Variants in ATP8B4 observed in about 807,000 individuals in gnomAD.
The protein encoded by ATP8B4 is ATPase phospholipid transporting 8B4 (putative).
A neutral mutation model predicts 145.6 loss-of-function variants in ATP8B4; 133 were observed. That is an observed-to-expected ratio of 0.91 (90% CI 0.79 to 1.05). The LOEUF is 1.05. Among genes scored for constraint, ATP8B4 ranks in the 50% least tolerant of loss-of-function variants. ATP8B4 has a pLI of 0.00. For synonymous variants in ATP8B4, 507 were observed against 492.9 expected, an observed-to-expected ratio of 1.03 and a Z score of -0.38; for missense variants, 1,458 against 1,425.2, an observed-to-expected ratio of 1.02 and a Z score of -0.37.
intron 14 of ATP8B4, among the ~76,000 whole-genome samples, chr15:49,939,716 A>G (rs755493336): frequency 5.9e-5 from 9 of 152,158 alleles, no homozygotes; most frequent in Non-Finnish European, 1.3e-4. Flanking sequence ...CTACTACAAA[A>G]AATTGAGCAG....
intron 14 of ATP8B4, among the ~76,000 whole-genome samples, chr15:49,948,296 A>AAAAAT (rs1441799368): frequency 9.9e-5 from 15 of 151,536 alleles, no homozygotes; most frequent in Non-Finnish European, 1.8e-4. Flanking sequence ...AAAAAAAAAA[A>AAAAAT]AAATCAGCCA....
At chr15:50,024,662 G>T (rs1232847043) in intron 6 of ATP8B4, among the ~76,000 whole-genome samples, 1 of 152,216 alleles carries the variant, frequency 6.6e-6, no homozygotes, top group Non-Finnish European at 1.5e-5. Flanking sequence ...CTTCTCCACT[G>T]GGTGTCTAGG....
At chr15:49,953,338 A>C (rs1213303848) in intron 14 of ATP8B4, among the ~76,000 whole-genome samples, 2 of 152,102 alleles carry the variant, frequency 1.3e-5, no homozygotes, top group Non-Finnish European at 2.9e-5. Context: ...GTGCGCAGAG[A>C]CTGCGGCCAC....
chr15:50,086,059 A>G (rs8026573), intron 2 of ATP8B4, among the ~76,000 whole-genome samples: 2 of 106,318 alleles, frequency 1.9e-5, no homozygotes, highest in African/African-American at 4.5e-5. Context: ...AGATCTATAT[A>G]TATTATATAT....
intron 14 of ATP8B4, among the ~76,000 whole-genome samples, chr15:49,939,064 GAC>G (rs2041954792): frequency 6.6e-6 from 1 of 151,940 alleles, no homozygotes; most frequent in African/African-American, 2.4e-5. Context: ...TGAAAACAGA[GAC>G]ACAACATATC....
chr15:49,908,276 TA>T (rs1462167126), intron 20 of ATP8B4, among the ~76,000 whole-genome samples: 1 of 152,214 alleles, frequency 6.6e-6, no homozygotes, highest in African/African-American at 2.4e-5. Context: ...GATGTACGAC[TA>T]AAGGCATCTG....
chr15:49,879,552 G>GT, intron 23 of ATP8B4, 93 bp from the exon 24 acceptor site: 1 of 1,113,210 alleles, frequency 9.0e-7, no homozygotes, highest in Non-Finnish European at 1.3e-6. Context: ...TCTGAGGTGG[G>GT]TGGGAGTTGA....
intron 25 of ATP8B4, among the ~76,000 whole-genome samples, chr15:49,870,501 T>C (rs1430464824): frequency 6.6e-6 from 1 of 152,206 alleles, no homozygotes; most frequent in Non-Finnish European, 1.5e-5. Flanking sequence ...AAATTTGGCC[T>C]GTAGCATCAG....
At chr15:49,916,628 A>G (rs2039768098) in intron 20 of ATP8B4, among the ~76,000 whole-genome samples, 1 of 152,180 alleles carries the variant, frequency 6.6e-6, no homozygotes, top group South Asian at 2.1e-4. Flanking sequence ...TCACCACGCA[A>G]GAGTGAGCAG....
rs941328291 is a variant in ATP8B4 at position 50,059,949 on chromosome 15, T to A, written c.88-12485A>T. Among the ~76,000 whole-genome samples the A allele has an allele frequency of 9.8e-5, 15 of 152,330 alleles. No individual in the cohort carries two copies. The South Asian group carries it at 1.2e-3, about 13-fold the overall frequency. On this transcript the variant is annotated intron_variant, in intron 3 of 27. Coordinates refer to ENST00000284509, the MANE Select transcript of ATP8B4 (RefSeq NM_024837.4). ...TTTTCCCCAAATGGTTAATATTTCT[T>A]GGTATATAACTCCACAAGATGTCAA...
intron 19 of ATP8B4, among the ~76,000 whole-genome samples, chr15:49,918,296 A>C (rs1008565071): frequency 6.6e-6 from 1 of 152,212 alleles, no homozygotes; most frequent in Non-Finnish European, 1.5e-5. Context: ...ACAGTCCTGG[A>C]ATTCAGCCAG....
chr15:49,980,549 G>A (rs2046066113), intron 11 of ATP8B4, among the ~76,000 whole-genome samples: 2 of 152,052 alleles, frequency 1.3e-5, no homozygotes, highest in African/African-American at 4.8e-5. Flanking sequence ...GAGTAGTAGA[G>A]AATATCATTT....
chr15:50,003,267 GGTGTGCATGT>G (rs1236072505), intron 7 of ATP8B4, among the ~76,000 whole-genome samples: 24 of 120,190 alleles, frequency 2.0e-4, no homozygotes, highest in African/African-American at 7.6e-4. Flanking sequence ...TCAAAAATAG[GGTGTGCATGT>G]GTGTGTGTGT....
intron 9 of ATP8B4, among the ~76,000 whole-genome samples, chr15:49,995,598 G>A (rs2047358840): frequency 6.6e-6 from 1 of 152,024 alleles, no homozygotes; most frequent in Non-Finnish European, 1.5e-5. Flanking sequence ...CAATTGCAAA[G>A]CACAGGCAAT....
chr15:49,956,872 C>A (rs1249873856), intron 14 of ATP8B4, among the ~76,000 whole-genome samples: 1 of 151,884 alleles, frequency 6.6e-6, no homozygotes, highest in Non-Finnish European at 1.5e-5. Context: ...ATGAAGTATT[C>A]TTGAAATTAG....
chr15:50,005,160 G>A (rs1406736435), intron 7 of ATP8B4, among the ~76,000 whole-genome samples: 1 of 152,100 alleles, frequency 6.6e-6, no homozygotes, highest in African/African-American at 2.4e-5. Context: ...GCTCTGCCAG[G>A]AGAGGCTCTG....
upstream of ATP8B4, among the ~76,000 whole-genome samples, chr15:50,123,805 C>A (rs1161090508): frequency 6.6e-6 from 1 of 152,108 alleles, no homozygotes; most frequent in East Asian, 1.9e-4. Flanking sequence ...TACTCCACAT[C>A]TCCAGTTTTT....
intron 20 of ATP8B4, among the ~76,000 whole-genome samples, chr15:49,905,002 C>G (rs1289829309): frequency 2.0e-5 from 3 of 152,122 alleles, no homozygotes; most frequent in Non-Finnish European, 4.4e-5. Context: ...GTCTGTTTTC[C>G]TTTCAGCAGA....
intron 1 of ATP8B4, among the ~76,000 whole-genome samples, chr15:50,111,029 G>A (rs1013854390): frequency 2.6e-5 from 4 of 152,132 alleles, no homozygotes; most frequent in African/African-American, 9.7e-5. Flanking sequence ...TAAAGAGTTG[G>A]TTTTAGACAC....
Sources: allele counts gnomAD v4.1 joint callset (sites outside exome capture counted in the v4.1 genomes callset), GRCh38; gene constraint gnomAD v4.1.1; transcripts MANE v1.5; gene names NCBI Gene and HGNC (gene_info 2026-07-23, HGNC 2026-07-21).